The following PRKAR1A variants were observed in gnomAD, a reference collection of about 807,000 sequenced individuals.
PRKAR1A encodes the protein protein kinase cAMP-dependent type I regulatory subunit alpha, also known as cAMP-dependent protein kinase type I-alpha regulatory subunit.
PRKAR1A carries 3 observed loss-of-function variants against 52.0 expected under a neutral mutation model. That is an observed-to-expected ratio of 0.06 (90% CI 0.03 to 0.15). PRKAR1A has a LOEUF of 0.15. Ranked by LOEUF, PRKAR1A falls within the 10% of genes least tolerant of loss-of-function variation. The pLI is 1.00. For missense variants in PRKAR1A, 240 were observed against 477.4 expected (o/e 0.50, Z 4.63); for synonymous variants, 188 against 168.4 (o/e 1.12, Z -0.90).
At chr17:68,544,251 C>CT (rs1460580597) in intron 11 of PRKAR1A, among the ~76,000 whole-genome samples, 2 of 151,804 alleles carry the variant, frequency 1.3e-5, no homozygotes, top group African/African-American at 2.4e-5. Flanking sequence ...ACCATCATCC[C>CT]CTCAGAGAAA....
Position 68,532,733 on chromosome 17 carries a change from A to T in PRKAR1A, c.*2284A>T, listed in dbSNP as rs2086010733. On this transcript the variant is annotated 3_prime_UTR_variant, in exon 11 of 11. Transcript: ENST00000589228. Reference sequence around the variant, plus strand: ...TTATAGATTGTCTTAATGGTAGGTCAAGTAATAAAAAGAGATGAAATAATT... The same window carrying T: ...TTATAGATTGTCTTAATGGTAGGTCTAGTAATAAAAAGAGATGAAATAATT... The T allele has an allele frequency of 9.4e-7, 1 of 1,066,118 alleles. No individual in the cohort carries two copies. Among genetic ancestry groups the T allele is most frequent in the Admixed American group, 5.3e-5 (1 of 18,780 alleles). The allele number at this position is 1,066,118 out of a possible 1,614,324, so 66.0% of individuals were successfully genotyped here. A position where few individuals can be genotyped will look rare whatever the true frequency, so the allele number is the denominator to read the frequency against.
At chr17:68,424,826 G>A in the PRKAR1A span, among the ~76,000 whole-genome samples, 5 of 151,632 alleles carry the variant, frequency 3.3e-5, no homozygotes, top group South Asian at 2.1e-4. Context: ...GCAGCGAGCC[G>A]AGATCACACC....
At chr17:68,414,340 G>A in the PRKAR1A span, among the ~76,000 whole-genome samples, 1 of 151,990 alleles carries the variant, frequency 6.6e-6, no homozygotes, top group African/African-American at 2.4e-5. Flanking sequence ...CACATTTATT[G>A]GTATATGTTA....
chr17:68,451,782 CA>C, the PRKAR1A span, among the ~76,000 whole-genome samples: 2 of 152,168 alleles, frequency 1.3e-5, no homozygotes, highest in African/African-American at 4.8e-5. Context: ...ATCTGGACAT[CA>C]GTATTATGAC....
chr17:68,467,926 G>A, the PRKAR1A span, among the ~76,000 whole-genome samples: 1 of 152,032 alleles, frequency 6.6e-6, no homozygotes, highest in African/African-American at 2.4e-5. Flanking sequence ...ACACGATCTT[G>A]CTCTGTCACC....
At chr17:68,535,484 T>C, downstream of PRKAR1A, 1 of 454,066 alleles carries the variant, frequency 2.2e-6, no homozygotes, top group South Asian at 1.6e-5. Flanking sequence ...TCTTTGAATG[T>C]TTTTACCCAG....
chr17:68,462,620 G>C, the PRKAR1A span, among the ~76,000 whole-genome samples: 2 of 152,174 alleles, frequency 1.3e-5, no homozygotes, highest in Non-Finnish European at 2.9e-5. Context: ...GGAGACTGTC[G>C]AGTAAGTTGC....
chr17:68,487,246 T>C, the PRKAR1A span, among the ~76,000 whole-genome samples: 1 of 152,198 alleles, frequency 6.6e-6, no homozygotes, highest in Non-Finnish European at 1.5e-5. Context: ...TCTCAAAGTA[T>C]GGTTTTGTTA....
intron 11 of PRKAR1A, among the ~76,000 whole-genome samples, chr17:68,539,609 C>T (rs1255029655): frequency 6.6e-6 from 1 of 152,264 alleles, no homozygotes; most frequent in Non-Finnish European, 1.5e-5. Flanking sequence ...CATTCACTAG[C>T]TGCAGAGGGC....
chr17:68,438,237 C>T, the PRKAR1A span, among the ~76,000 whole-genome samples: 14 of 142,496 alleles, frequency 9.8e-5, no homozygotes, highest in African/African-American at 3.0e-4. Context: ...TTTAACTGCA[C>T]GTTCTGGCAG....
the PRKAR1A span, among the ~76,000 whole-genome samples, chr17:68,438,129 C>T: frequency 2.0e-5 from 3 of 152,174 alleles, no homozygotes; most frequent in Non-Finnish European, 2.9e-5. Flanking sequence ...GAACCTAGGT[C>T]TCATTTCCTG....
chr17:68,478,727 A>G, the PRKAR1A span, among the ~76,000 whole-genome samples: 1 of 104,626 alleles, frequency 9.6e-6, no homozygotes, highest in Non-Finnish European at 1.9e-5. Flanking sequence ...TATGTTGGAC[A>G]GTTTTGTTTT....
At chr17:68,536,184 T>A (rs1190542101), downstream of PRKAR1A, 7 of 454,012 alleles carry the variant, frequency 1.5e-5, no homozygotes, top group Admixed American at 1.6e-4. Context: ...GCAGAAAGCT[T>A]GGAGACATTT....
rs773730028 is a variant in PRKAR1A at position 68,524,055 on chromosome 17, A to T, written c.480A>T (p.Ala160=). 12 of 1,613,968 alleles carry T rather than the reference A, an allele frequency of 7.4e-6. No homozygotes were observed. In the Admixed American group the frequency reaches 1.8e-4, roughly 25 times the overall value. The change falls in exon 5 of 11, where the codon GCA becomes GCT. Residue 160 remains alanine (A), a synonymous_variant. Coordinates refer to ENST00000589228, the MANE Select transcript of PRKAR1A (RefSeq NM_002734.5). ...CCATGTTTTCGGTCTCCTTTATCGC[A>T]GGAGAGACTGTGATTCAGCAAGGTA... ...FDAMFSVSFI[A]GETVIQQGDE...
the PRKAR1A span, chr17:68,420,250 T>A: frequency 1.2e-6 from 2 of 1,614,110 alleles, no homozygotes; most frequent in South Asian, 2.2e-5. Flanking sequence ...TTCCTCTGAT[T>A]TTCAACCTGG....
chr17:68,539,543 C>T, intron 11 of PRKAR1A: 1 of 751,304 alleles, frequency 1.3e-6, no homozygotes, highest in South Asian at 1.5e-5. Context: ...CCCCTCTCCC[C>T]AGTCAGATCA....
At chr17:68,522,948 C>A in intron 3 of PRKAR1A, 22 bp downstream of exon 3, 1 of 1,611,930 alleles carries the variant, frequency 6.2e-7, no homozygotes, top group South Asian at 1.1e-5. Flanking sequence ...ATTTGAATAT[C>A]GGGGGGATGC....
At chr17:68,449,408 T>C in the PRKAR1A span, among the ~76,000 whole-genome samples, 73 of 152,308 alleles carry the variant, frequency 4.8e-4, 1 homozygote, top group African/African-American at 1.6e-3. Flanking sequence ...GGAGGATCCT[T>C]GAGCCCAGGA....
chr17:68,492,917 G>A, the PRKAR1A span, among the ~76,000 whole-genome samples: 3 of 152,150 alleles, frequency 2.0e-5, no homozygotes, highest in Non-Finnish European at 4.4e-5. Context: ...TGTCATTGAT[G>A]GACATTTAGG....
Sources: allele counts gnomAD v4.1 joint callset (sites outside exome capture counted in the v4.1 genomes callset), GRCh38; gene constraint gnomAD v4.1.1; transcripts MANE v1.5; gene names NCBI Gene and HGNC (gene_info 2026-07-23, HGNC 2026-07-21).